Variants in LTF observed in about 807,000 individuals in gnomAD.
LTF encodes lactotransferrin.
In LTF, 91 loss-of-function variants were observed where a neutral mutation model predicts 87.2. The observed-to-expected ratio is 1.04, with a 90% CI of 0.88 to 1.24. LTF has a LOEUF of 1.24. LTF is among the 50% of genes most tolerant of loss of function. The pLI is 0.00. For missense variants in LTF, 901 were observed against 904.3 expected (o/e 1.00, Z 0.05); for synonymous variants, 378 against 356.1 (o/e 1.06, Z -0.69).
Position 46,438,043 on chromosome 3 carries a change from G to A in LTF, c.1995C>T (p.Asn665=). 2 of 1,614,016 alleles carry A rather than the reference G, an allele frequency of 1.2e-6. No individual in the cohort carries two copies. The highest frequency in any genetic ancestry group is 8.5e-7 in the Non-Finnish European group (1 of 1,179,922). Residue 665 remains asparagine (N), a synonymous_variant, in exon 16 of 17, where the codon AAC becomes AAT. Coordinates refer to ENST00000231751, the MANE Select transcript of LTF (RefSeq NM_002343.6). The stretch of plus-strand genomic sequence containing the variant: ...CATGGAGTCTGGCCAGACACTCAGT[G>A]TTGTCATTGAACAGAAGGTTTTTGG... ...SETKNLLFND[N]TECLARLHGK...
intron 12 of LTF, 58 bp downstream of exon 12, chr3:46,445,223 A>G: frequency 1.3e-6 from 2 of 1,503,830 alleles, no homozygotes; most frequent in South Asian, 1.3e-5. Flanking sequence ...AAGGTTCCAC[A>G]GCACAATATG....
At chr3:46,436,548 C>T (rs1575301298) in intron 16 of LTF, among the ~76,000 whole-genome samples, 1 of 152,230 alleles carries the variant, frequency 6.6e-6, no homozygotes, top group African/African-American at 2.4e-5. Context: ...TAGCTTCTCC[C>T]GGAATGTGAA....
rs10667876 is a variant in LTF at position 46,437,320 on chromosome 3, A to ATTT, written c.2098+617_2098+619dup. On this transcript the variant is annotated intron_variant, in intron 16 of 16. Transcript: ENST00000231751. ...ATCTATGGTAACTGTCTAGAATCAGATTTTTTTTTTTTTTTTTTGAGGAAG... is the reference window on the plus strand; with the variant it reads ...ATCTATGGTAACTGTCTAGAATCAGATTTTTTTTTTTTTTTTTTTTTGAGGAAG... Among the ~76,000 whole-genome samples the ATTT allele has an allele frequency of 6.6e-3, 866 of 131,406 alleles. 18 individuals are homozygous for ATTT. Among genetic ancestry groups the ATTT allele is most frequent in the Middle Eastern group, 0.016 (4 of 246 alleles). The allele number at this position is 131,406 out of a possible 152,430, so 86.2% of individuals were successfully genotyped here.
chr3:46,464,010 C>A (rs1375900230), intron 1 of LTF, among the ~76,000 whole-genome samples: 1 of 152,086 alleles, frequency 6.6e-6, no homozygotes, highest in African/African-American at 2.4e-5. Context: ...AGGTGTGACA[C>A]CTGGGCTTTC....
At chr3:46,451,053 G>C (rs1173976849) in intron 6 of LTF, among the ~76,000 whole-genome samples, 1 of 152,164 alleles carries the variant, frequency 6.6e-6, no homozygotes, top group African/African-American at 2.4e-5. Flanking sequence ...ACATCTCTGG[G>C]AAGAATAAAA....
At chr3:46,437,876 G>A in intron 16 of LTF, 64 bp downstream of exon 16, 5 of 1,289,420 alleles carry the variant, frequency 3.9e-6, no homozygotes, top group Non-Finnish European at 1.1e-6. Flanking sequence ...AATGCTGTTT[G>A]GCCCTCAAAC....
chr3:46,477,622 T>C (rs967391258), intron 1 of LTF, among the ~76,000 whole-genome samples: 4 of 152,206 alleles, frequency 2.6e-5, no homozygotes, highest in Non-Finnish European at 5.9e-5. Flanking sequence ...TGTTAGAACT[T>C]AATGAAGTAA....
At chr3:46,460,107 G>T (rs1264415396) in intron 1 of LTF, among the ~76,000 whole-genome samples, 2 of 152,172 alleles carry the variant, frequency 1.3e-5, no homozygotes, top group Non-Finnish European at 2.9e-5. Flanking sequence ...CTTAAAAAAT[G>T]ATGGTGATCC....
rs753451346 is a variant in LTF, at chr3:46,455,301, G to A, written c.641C>T (p.Ala214Val). The change falls in exon 5 of 17, where the codon GCC (alanine) becomes GTC (valine). Residue 214 changes from alanine to valine, a missense_variant. Transcript: ENST00000231751. ...SQEPYFSYSG[A>V]FKCLRDGAGD... is the part of the protein sequence containing the mutation. ...AGGGGACAGGGTCACTCACTTGAAGGCACCAGAGTAGCTGAAGTACGGTTC... is the reference window on the plus strand; with the variant it reads ...AGGGGACAGGGTCACTCACTTGAAGACACCAGAGTAGCTGAAGTACGGTTC... 2 of 1,614,090 alleles carry A rather than the reference G, an allele frequency of 1.2e-6. No individual in the cohort carries two copies. Among genetic ancestry groups the A allele is most frequent in the African/African-American group, 2.7e-5 (2 of 74,938 alleles).
rs779558836 is a variant in LTF at position 46,455,973 on chromosome 3, G to A, written c.322C>T (p.Arg108Ter). The A allele has an allele frequency of 1.9e-5, 30 of 1,580,954 alleles. No homozygotes were observed. The highest frequency in any genetic ancestry group is 1.7e-4 in the Admixed American group (9 of 54,134). Residue 108 changes from arginine (R) to a stop codon, truncating the protein, a stop_gained, in exon 4 of 17, where the codon CGA becomes TGA. Transcript: ENST00000231751. LOFTEE classifies it high-confidence loss of function. ...AEVYGTERQP[R>*]THYYAVAVVK... is the part of the protein sequence containing the mutation. ...ACAGCCACGGCATAATAGTGAGTTC[G>A]TGGCTCTGCAAAGGGGCAGACAGAA... is the stretch of plus-strand genomic sequence containing the variant.
At chr3:46,479,554 CG>C (rs1559613681) in intron 1 of LTF, among the ~76,000 whole-genome samples, 2 of 152,138 alleles carry the variant, frequency 1.3e-5, no homozygotes, top group Admixed American at 6.6e-5. Context: ...GACAGAGTCT[CG>C]CTCTGTCACC....
At chr3:46,445,977 C>G (rs927068483) in intron 11 of LTF, among the ~76,000 whole-genome samples, 20 of 152,234 alleles carry the variant, frequency 1.3e-4, no homozygotes, top group Non-Finnish European at 1.6e-4. Context: ...AGACACCCAC[C>G]AAGGGCAAGT....
intron 1 of LTF, among the ~76,000 whole-genome samples, chr3:46,461,966 T>C (rs1703091747): frequency 6.6e-6 from 1 of 152,168 alleles, no homozygotes; most frequent in Non-Finnish European, 1.5e-5. Context: ...CCATGGCCCT[T>C]GGGTGGGCAA....
At chr3:46,482,492 A>C (rs1703445686) in intron 1 of LTF, among the ~76,000 whole-genome samples, 2 of 2,800 alleles carry the variant, frequency 7.1e-4, no homozygotes, top group African/African-American at 1.1e-3. Context: ...AAGGAAGGGA[A>C]GGGAAGGGAA....
chr3:46,446,806 C>A (rs1055608661), intron 10 of LTF, among the ~76,000 whole-genome samples: 1 of 152,150 alleles, frequency 6.6e-6, no homozygotes, highest in African/African-American at 2.4e-5. Flanking sequence ...AAAAGCATAA[C>A]GATGAGCAAG....
intron 6 of LTF, among the ~76,000 whole-genome samples, chr3:46,452,731 C>T (rs1702833209): frequency 6.6e-6 from 1 of 152,156 alleles, no homozygotes; most frequent in Non-Finnish European, 1.5e-5. Context: ...TATATACAAA[C>T]TTGGTGTAGA....
chr3:46,460,323 G>A (rs546045208), intron 1 of LTF, among the ~76,000 whole-genome samples: 7 of 152,174 alleles, frequency 4.6e-5, no homozygotes, highest in Non-Finnish European at 8.8e-5. Context: ...CCCAGGGAAT[G>A]CCAAGAGAAC....
At chr3:46,468,666 G>A (rs562394772), upstream of LTF, among the ~76,000 whole-genome samples, 3 of 152,368 alleles carry the variant, frequency 2.0e-5, no homozygotes, top group South Asian at 2.1e-4. Context: ...TGAGATCTGA[G>A]TAGAACTGGC....
intron 6 of LTF, among the ~76,000 whole-genome samples, chr3:46,452,111 A>G (rs1702817016): frequency 6.6e-6 from 1 of 152,238 alleles, no homozygotes; most frequent in South Asian, 2.1e-4. Flanking sequence ...AAAAGATGAT[A>G]TCGTCATCTA....
Sources: allele counts gnomAD v4.1 joint callset (sites outside exome capture counted in the v4.1 genomes callset), GRCh38; gene constraint gnomAD v4.1.1; transcripts MANE v1.5; gene names NCBI Gene and HGNC (gene_info 2026-07-23, HGNC 2026-07-21).